PIK3C3: variants seen among roughly 807,000 people sequenced by gnomAD.
PIK3C3 encodes PI3-kinase type 3.
Under a neutral mutation model 126.1 loss-of-function variants are expected in PIK3C3, and 95 were observed. The ratio of observed to expected loss-of-function variants is 0.75; its 90% CI spans 0.64 to 0.89. PIK3C3 has a LOEUF of 0.89. PIK3C3 is among the 40% of genes least tolerant of loss of function. The pLI, the probability that PIK3C3 is intolerant of heterozygous loss-of-function variation, is 0.00. For missense variants in PIK3C3, 829 were observed against 1,063.2 expected (o/e 0.78, Z 3.06); for synonymous variants, 374 against 360.0 (o/e 1.04, Z -0.44).
chr18:42,074,461 C>G (rs1985898376), intron 24 of PIK3C3, among the ~76,000 whole-genome samples: 1 of 151,994 alleles, frequency 6.6e-6, no homozygotes. Flanking sequence ...AATGTACTCT[C>G]CTTTAACAAA....
At chr18:41,965,421 G>C (rs1980307455) in intron 3 of PIK3C3, among the ~76,000 whole-genome samples, 1 of 152,148 alleles carries the variant, frequency 6.6e-6, no homozygotes, top group Non-Finnish European at 1.5e-5. Context: ...CTCTCAGATT[G>C]ATTTTTGGTA....
At chr18:42,000,425 T>C (rs372775780) in intron 9 of PIK3C3, among the ~76,000 whole-genome samples, 1 of 152,072 alleles carries the variant, frequency 6.6e-6, no homozygotes, top group Non-Finnish European at 1.5e-5. Context: ...AGTGACATAA[T>C]TAGGAGAATC....
chr18:42,046,925 C>T (rs1984583104), intron 20 of PIK3C3, among the ~76,000 whole-genome samples: 3 of 152,086 alleles, frequency 2.0e-5, no homozygotes, highest in Admixed American at 6.5e-5. Flanking sequence ...GTATTTATGA[C>T]CATAATCCAC....
At chr18:42,056,974 G>T (rs975869545) in intron 21 of PIK3C3, among the ~76,000 whole-genome samples, 1 of 151,384 alleles carries the variant, frequency 6.6e-6, no homozygotes, top group Admixed American at 6.6e-5. Context: ...ATTGTACTTA[G>T]AGACCATTAA....
chr18:41,955,473 G>C, intron 1 of PIK3C3, 114 bp downstream of exon 1: 7 of 889,102 alleles, frequency 7.9e-6, no homozygotes, highest in Non-Finnish European at 1.1e-5. Context: ...GGCCCAGATT[G>C]GGGGCGGCTG....
rs777325315 is a variant in PIK3C3, at chr18:41,962,465, T to G, written c.258-24T>G. ...AAGATATATATATATGTATTTCTGA[T>G]TTATGTTAACTTCATTTCCATAGCT... On this transcript the variant is annotated intron_variant, in intron 2 of 24. Transcript: ENST00000262039. The G allele has an allele frequency of 3.2e-6, 5 of 1,583,218 alleles. No individual in the cohort carries two copies. The South Asian group carries it at 5.8e-5, about 18-fold the overall frequency.
At chr18:41,995,428 G>A (rs1036865561) in intron 7 of PIK3C3, among the ~76,000 whole-genome samples, 3 of 152,186 alleles carry the variant, frequency 2.0e-5, no homozygotes, top group Non-Finnish European at 4.4e-5. Flanking sequence ...AATAGCACCA[G>A]ATGTGTATAT....
chr18:42,043,713 T>C lies in PIK3C3; in HGVS notation c.2104-20T>C. The C allele has an allele frequency of 6.6e-7, 1 of 1,523,166 alleles. No individual in the cohort carries two copies. Among genetic ancestry groups the C allele is most frequent in the Non-Finnish European group, 9.1e-7 (1 of 1,098,284 alleles). The allele number at this position is 1,523,166 out of a possible 1,614,324, so 94.4% of individuals were successfully genotyped here. A position where few individuals can be genotyped will look rare whatever the true frequency, so the allele number is the denominator to read the frequency against. The stretch of plus-strand genomic sequence containing the variant: ...TTTGTTTGTACTTAATTCTAAAACA[T>C]GTAAATAATGTCTTTTCAGAACTTT... On this transcript the variant is annotated intron_variant, in intron 19 of 24. Transcript: ENST00000262039.
intron 2 of PIK3C3, 136 bp from the exon 3 acceptor site, chr18:41,962,353 T>C: frequency 1.9e-6 from 1 of 536,644 alleles, no homozygotes. Flanking sequence ...TTGAGGTGAC[T>C]GCCATATTAT....
At chr18:42,071,150 T>C (rs549495108) in intron 24 of PIK3C3, among the ~76,000 whole-genome samples, 4 of 152,296 alleles carry the variant, frequency 2.6e-5, no homozygotes, top group South Asian at 2.1e-4. Context: ...AGAACAAATA[T>C]TTGAATTATT....
intron 13 of PIK3C3, chr18:42,027,235 C>A: frequency 3.6e-6 from 1 of 276,676 alleles, no homozygotes; most frequent in Middle Eastern, 1.1e-3. Context: ...TAAGGCATTA[C>A]CACTCTTAGT....
At chr18:42,066,629 A>G (rs1440655860) in intron 23 of PIK3C3, among the ~76,000 whole-genome samples, 2 of 152,180 alleles carry the variant, frequency 1.3e-5, no homozygotes, top group Non-Finnish European at 2.9e-5. Context: ...CAGTCGGATG[A>G]AATGTTGCAT....
chr18:41,955,507 C>G, intron 1 of PIK3C3, 148 bp downstream of exon 1: 1 of 636,164 alleles, frequency 1.6e-6, no homozygotes, highest in South Asian at 1.9e-5. Context: ...CAGGGAGGCG[C>G]GAGAGAGTGG....
intron 4 of PIK3C3, among the ~76,000 whole-genome samples, chr18:41,983,643 G>T (rs774687143): frequency 2.4e-4 from 36 of 152,134 alleles, no homozygotes; most frequent in Non-Finnish European, 5.0e-4. Flanking sequence ...GATCGTGGAA[G>T]TCTGTCTATT....
At chr18:42,010,958 T>A (rs745496356) in intron 10 of PIK3C3, among the ~76,000 whole-genome samples, 4 of 152,242 alleles carry the variant, frequency 2.6e-5, no homozygotes, top group Non-Finnish European at 4.4e-5. Flanking sequence ...GGCATTCAAC[T>A]TCTGCATCTC....
intron 9 of PIK3C3, among the ~76,000 whole-genome samples, chr18:42,001,791 A>G (rs532191166): frequency 1.6e-4 from 25 of 152,312 alleles, no homozygotes; most frequent in Middle Eastern, 3.4e-3. Context: ...TGCTTATAAT[A>G]AGTACATACC....
intron 13 of PIK3C3, among the ~76,000 whole-genome samples, chr18:42,023,868 G>C (rs183798199): frequency 6.6e-6 from 1 of 151,762 alleles, no homozygotes; most frequent in Non-Finnish European, 1.5e-5. Flanking sequence ...TTTTTCATTT[G>C]TTCCCTTTCT....
rs1354272775 is a variant in PIK3C3, at chr18:42,029,438, A to C, written c.1704A>C (p.Lys568Asn). Residue 568 changes from lysine to asparagine, a missense_variant, in exon 15 of 25, where the codon AAA becomes AAC. Around this residue, in one of 4 missense-constraint regions of PIK3C3, gnomAD observed 256 missense variants for 291.0 expected, o/e 0.88. Transcript: ENST00000262039. ...AACGCGAAAGTGGAAATCGTAAGAAAAAGGTAAGCCTATGGTGTATGCTTT... is the reference window on the plus strand; with the variant it reads ...AACGCGAAAGTGGAAATCGTAAGAACAAGGTAAGCCTATGGTGTATGCTTT... ...AVQRESGNRK[K>N]KNERLQALLG... The C allele has an allele frequency of 1.3e-6, 2 of 1,578,294 alleles. No homozygotes were observed. The highest frequency in any genetic ancestry group is 2.7e-5 in the African/African-American group (2 of 74,278).
At chr18:42,063,235 T>A (rs1985396598) in intron 22 of PIK3C3, among the ~76,000 whole-genome samples, 1 of 152,246 alleles carries the variant, frequency 6.6e-6, no homozygotes, top group African/African-American at 2.4e-5. Flanking sequence ...ATCATGTTTA[T>A]CAATTCATTA....
Sources: allele counts gnomAD v4.1 joint callset (sites outside exome capture counted in the v4.1 genomes callset), GRCh38; gene constraint gnomAD v4.1.1; regional missense constraint gnomAD v4.1.1; transcripts MANE v1.5; gene names NCBI Gene and HGNC (gene_info 2026-07-23, HGNC 2026-07-21).